NR2F1: variants seen among roughly 807,000 people sequenced by gnomAD.
NR2F1 encodes nuclear receptor subfamily 2 group F member 1.
A neutral mutation model predicts 37.7 loss-of-function variants in NR2F1; 1 was observed. The ratio of observed to expected loss-of-function variants is 0.03; its 90% CI spans 0.01 to 0.13. The LOEUF (loss-of-function observed/expected upper bound fraction) is 0.13. Among genes scored for constraint, NR2F1 ranks in the 10% least tolerant of loss-of-function variants. The probability of loss-of-function intolerance (pLI) is 1.00; values close to 1 mark genes in which losing one functional copy is unlikely to be tolerated. For missense variants in NR2F1, 268 were observed against 578.4 expected (o/e 0.46, Z 5.50); for synonymous variants, 275 against 259.6 (o/e 1.06, Z -0.57).
At chr5:93,592,292 A>G in intron 2 of NR2F1, 1 of 152,002 alleles carries the variant, frequency 6.6e-6, no homozygotes. Flanking sequence ...TTTTTCCCAG[A>G]TCTATATATT....
Position 93,593,922 on chromosome 5 carries a change from GAC to G in NR2F1, c.*83_*84del, listed in dbSNP as rs1264633839. The G allele has an allele frequency of 6.0e-5, 86 of 1,444,392 alleles. 1 individual carries two copies. In the Admixed American group the frequency reaches 1.6e-3, roughly 26 times the overall value. 89.5% of individuals were successfully genotyped at this position (1,444,392 alleles called of 1,614,324 possible). The stretch of plus-strand genomic sequence containing the variant: ...GGGCCAAGGACTCCAAAGCCGCGGG[GAC>G]ACCGGGAAGTGCAGCGGGCCAGGCA... On this transcript the variant is annotated 3_prime_UTR_variant, in exon 3 of 3. Coordinates refer to ENST00000327111, the MANE Select transcript of NR2F1 (RefSeq NM_005654.6). The surrounding 1 kb of genome is among the most constrained non-coding windows in gnomAD (Gnocchi z 5.6).
Position 93,585,353 on chromosome 5 carries a change from C to T in NR2F1, c.330C>T (p.Phe110=). The part of the protein sequence containing the change: ...QFTCEGCKSF[F]KRSVRRNLTY... ...CCTGCGAGGGCTGCAAAAGTTTCTTCAAGAGGAGCGTCCGCAGGAACTTAA... is the reference window on the plus strand; with the variant it reads ...CCTGCGAGGGCTGCAAAAGTTTCTTTAAGAGGAGCGTCCGCAGGAACTTAA... Residue 110 remains phenylalanine (F), a synonymous_variant, in exon 1 of 3, where the codon TTC becomes TTT. Transcript: ENST00000327111. The T allele has an allele frequency of 6.2e-7, 1 of 1,613,984 alleles. No homozygotes were observed. The highest frequency in any genetic ancestry group is 1.1e-5 in the South Asian group (1 of 91,078).
At chr5:93,589,576 C>G (rs1405914444) in intron 2 of NR2F1, among the ~76,000 whole-genome samples, 1 of 152,234 alleles carries the variant, frequency 6.6e-6, no homozygotes, top group East Asian at 1.9e-4. Flanking sequence ...TTCCTCCATT[C>G]GGAGAACAAA....
In NR2F1 at chr5:93,585,203, G is replaced by T. The variant is rs1580358489; in HGVS notation, c.180G>T (p.Ala60=). The change falls in exon 1 of 3, where the codon GCG becomes GCT. Residue 60 remains alanine, a synonymous_variant. Transcript: ENST00000327111. The part of the protein sequence containing the change: ...HTPQTPGQPG[A]PATPGTAGDK... ...CGCAGACCCCGGGCCAGCCCGGAGC[G>T]CCCGCCACCCCCGGCACGGCGGGGG... 3 of 1,538,178 alleles carry T rather than the reference G, an allele frequency of 2.0e-6. No individual in the cohort carries two copies. Among genetic ancestry groups the T allele is most frequent in the Non-Finnish European group, 2.6e-6 (3 of 1,142,778 alleles).
chr5:93,585,651 G>T, intron 1 of NR2F1, 165 bp downstream of exon 1: 1 of 470,916 alleles, frequency 2.1e-6, no homozygotes, highest in Non-Finnish European at 3.5e-6. Flanking sequence ...GTCTCCCCCC[G>T]CCCTCCCCAG....
At chr5:93,586,340 A>G (rs776805691) in intron 1 of NR2F1, among the ~76,000 whole-genome samples, 8 of 152,252 alleles carry the variant, frequency 5.3e-5, no homozygotes, top group Non-Finnish European at 8.8e-5. Flanking sequence ...ATTTGGCCGT[A>G]ATGCATAGAC....
At position 93,593,065 on chromosome 5, in the gene NR2F1, T is replaced by G. The variant is rs1029591588; in HGVS notation, c.992-497T>G. On this transcript the variant is annotated intron_variant, in intron 2 of 2. Transcript: ENST00000327111. This position sits in a 1 kb window ranked among gnomAD's most constrained non-coding sequence, Gnocchi z 5.6. ...GGGTGGTTTGGGTTTGAGAGGGGAC[T>G]CCAGGAATCCTTTAAGAACTGCCTT... Among the ~76,000 whole-genome samples, 3 of 152,064 alleles carry G rather than the reference T, an allele frequency of 2.0e-5. No individual in the cohort carries two copies. Among genetic ancestry groups the G allele is most frequent in the African/African-American group, 7.2e-5 (3 of 41,408 alleles).
In NR2F1 at chr5:93,593,480, T is replaced by A. The variant is rs756196714; in HGVS notation, c.992-82T>A. Reference sequence around the variant, plus strand: ...CCATTTTCTCCTTAAAAAAAATTGATGGCTTATTTTGCCTTTGCTATTTGT... The same window carrying A: ...CCATTTTCTCCTTAAAAAAAATTGAAGGCTTATTTTGCCTTTGCTATTTGT... On this transcript the variant is annotated intron_variant, in intron 2 of 2. Transcript: ENST00000327111. This position sits in a 1 kb window ranked among gnomAD's most constrained non-coding sequence, Gnocchi z 5.6. The A allele has an allele frequency of 1.3e-5, 18 of 1,392,452 alleles. No homozygotes were observed. The highest frequency in any genetic ancestry group is 1.8e-5 in the Non-Finnish European group (18 of 1,021,762). 86.3% of individuals were successfully genotyped at this position (1,392,452 alleles called of 1,614,324 possible). A position where few individuals can be genotyped will look rare whatever the true frequency, so the allele number is the denominator to read the frequency against.
At chr5:93,589,775 A>G (rs1436817910) in intron 2 of NR2F1, among the ~76,000 whole-genome samples, 3 of 152,256 alleles carry the variant, frequency 2.0e-5, no homozygotes, top group Non-Finnish European at 2.9e-5. Context: ...AATGACTCCT[A>G]AATTTGCACA....
chr5:93,587,847 G>A (rs1171096269), intron 1 of NR2F1, 70 bp from the exon 2 acceptor site: 5 of 1,464,428 alleles, frequency 3.4e-6, no homozygotes, highest in African/African-American at 1.4e-5. Flanking sequence ...TGTTGGGTAC[G>A]CTGCGGCGCG....
Position 93,584,194 on chromosome 5 carries a change from C to T in NR2F1, c.-830C>T, listed in dbSNP as rs1168324032. The T allele has an allele frequency of 6.7e-6, 1 of 148,736 alleles. No individual in the cohort carries two copies. The highest frequency in any genetic ancestry group is 1.5e-5 in the Non-Finnish European group (1 of 66,640). 9.2% of individuals were successfully genotyped at this position (148,736 alleles called of 1,614,324 possible). On this transcript the variant is annotated 5_prime_UTR_variant, in exon 1 of 3. Transcript: ENST00000327111. ...GCCGCGGGCGGCCCCGGCCTCCGCT[C>T]GCGCTCCGGCTGCGGCCCCGACTCC...
At chr5:93,588,472 G>T in intron 2 of NR2F1, 28 bp downstream of exon 2, 1 of 1,477,672 alleles carries the variant, frequency 6.8e-7, no homozygotes, top group Admixed American at 2.3e-5. Context: ...GGGAGGGCAG[G>T]CCGCGCCGGC....
rs746257919 is a variant in NR2F1, at chr5:93,594,063, G to C, written c.*221G>C. The C allele has an allele frequency of 2.3e-6, 1 of 439,848 alleles. No homozygotes were observed. The allele number at this position is 439,848 out of a possible 1,614,324, so 27.2% of individuals were successfully genotyped here. A position where few individuals can be genotyped will look rare whatever the true frequency, so the allele number is the denominator to read the frequency against. On this transcript the variant is annotated 3_prime_UTR_variant, in exon 3 of 3. Coordinates refer to ENST00000327111, the MANE Select transcript of NR2F1 (RefSeq NM_005654.6). ...CTTTTAGGATCAGATCTGTGAGCAC[G>C]TTGGCGAGGAAAAACAAAACAAACA... is the stretch of plus-strand genomic sequence containing the variant.
intron 2 of NR2F1, among the ~76,000 whole-genome samples, chr5:93,592,369 G>A (rs1039267823): frequency 7.9e-5 from 12 of 151,724 alleles, no homozygotes; most frequent in African/African-American, 2.7e-4. Context: ...TGATCTTACT[G>A]GTTTTTTTTT....
At chr5:93,592,936 C>T (rs1753357974) in intron 2 of NR2F1, among the ~76,000 whole-genome samples, 1 of 152,058 alleles carries the variant, frequency 6.6e-6, no homozygotes, top group East Asian at 1.9e-4. Flanking sequence ...ATTGCTAAAG[C>T]GTGGGCTTCA....
In NR2F1 at chr5:93,584,999, C is replaced by A; in HGVS notation, c.-25C>A. 9 of 992,500 alleles carry A rather than the reference C, an allele frequency of 9.1e-6. No individual in the cohort carries two copies. The highest frequency in any genetic ancestry group is 9.6e-6 in the Non-Finnish European group (8 of 834,496). The allele number at this position is 992,500 out of a possible 1,614,324, so 61.5% of individuals were successfully genotyped here. ...GCCCTCGGCGAGCAGCTCGGCTCCC[C>A]CCAGCGCTCCCCGGGCCCAAAGATA... On this transcript the variant is annotated 5_prime_UTR_variant, in exon 1 of 3. Coordinates refer to ENST00000327111, the MANE Select transcript of NR2F1 (RefSeq NM_005654.6).
rs1753361693 is a variant in NR2F1, at chr5:93,593,123, C to T, written c.992-439C>T. Among the ~76,000 whole-genome samples, 1 of 152,140 alleles carries T rather than the reference C, an allele frequency of 6.6e-6. No individual in the cohort carries two copies. ...CATATTTCCTAAGGGGTACTGAACA[C>T]CCCCAGATCAGAGGCAAATGGGGCA... On this transcript the variant is annotated intron_variant, in intron 2 of 2. Coordinates refer to ENST00000327111, the MANE Select transcript of NR2F1 (RefSeq NM_005654.6). This position sits in a 1 kb window ranked among gnomAD's most constrained non-coding sequence, Gnocchi z 5.6.
intron 1 of NR2F1, among the ~76,000 whole-genome samples, chr5:93,586,725 A>G (rs1580359392): frequency 6.9e-6 from 1 of 145,830 alleles, no homozygotes; most frequent in African/African-American, 2.5e-5. Flanking sequence ...TAGGCATCTG[A>G]AAAAAAAAAA....
chr5:93,588,011 C>G lies in NR2F1; in HGVS notation c.558C>G (p.Ser186=). 3 of 1,614,048 alleles carry G rather than the reference C, an allele frequency of 1.9e-6. No homozygotes were observed. Among genetic ancestry groups the G allele is most frequent in the East Asian group, 2.2e-5 (1 of 44,884 alleles). ...CCCTCAACGGCCACTGCTACCTGTC[C>G]GGCTACATCTCGCTGCTGCTGCGCG... is the stretch of plus-strand genomic sequence containing the variant. ...GDPLNGHCYL[S]GYISLLLRAE... Residue 186 remains serine, a synonymous_variant, in exon 2 of 3, where the codon TCC becomes TCG. Coordinates refer to ENST00000327111, the MANE Select transcript of NR2F1 (RefSeq NM_005654.6).
Sources: gnomAD v4.1 joint callset for allele counts (sites outside exome capture counted in the v4.1 genomes callset) on GRCh38, gnomAD v4.1.1 for gene constraint, Gnocchi (gnomAD v3.1) non-coding constraint, MANE v1.5 for transcripts, NCBI Gene and HGNC (gene_info 2026-07-23, HGNC 2026-07-21) for gene names.